The following MLIP variants were observed in gnomAD, a reference collection of about 807,000 sequenced individuals.
MLIP encodes the protein muscular LMNA interacting protein, also known as muscular LMNA-interacting protein.
Under a neutral mutation model 84.8 loss-of-function variants are expected in MLIP, and 79 were observed. That is an observed-to-expected ratio of 0.93 (90% CI 0.78 to 1.12). The LOEUF is 1.12. MLIP is among the 50% of genes most tolerant of loss of function. The pLI is 0.00. For missense variants in MLIP, 1,257 were observed against 1,160.6 expected, an observed-to-expected ratio of 1.08 and a Z score of -1.21; for synonymous variants, 504 against 463.0, an observed-to-expected ratio of 1.09 and a Z score of -1.14.
intron 1 of MLIP, among the ~76,000 whole-genome samples, chr6:54,060,985 CT>C (rs78569538): frequency 0.019 from 2,477 of 127,914 alleles, 53 homozygotes; most frequent in African/African-American, 0.054. Flanking sequence ...TTTACTGTTT[CT>C]TTTTTTTTTT....
At chr6:54,247,370 A>C (rs1301205940) in intron 12 of MLIP, among the ~76,000 whole-genome samples, 3 of 152,184 alleles carry the variant, frequency 2.0e-5, no homozygotes, top group Admixed American at 1.3e-4. Context: ...GGTTCTAGCA[A>C]GAACATAGCT....
chr6:54,224,712 G>A (rs1429586115), intron 11 of MLIP, among the ~76,000 whole-genome samples: 3 of 151,980 alleles, frequency 2.0e-5, no homozygotes, highest in East Asian at 1.9e-4. Context: ...ACCATTATAT[G>A]TTGTCTTTTA....
At chr6:54,098,332 T>TTC (rs1554148062) in intron 1 of MLIP, among the ~76,000 whole-genome samples, 1 of 143,240 alleles carries the variant, frequency 7.0e-6, no homozygotes. Context: ...TTTAATTTCT[T>TTC]TTTTTTTTTT....
At chr6:54,210,885 C>A (rs1358731980) in intron 11 of MLIP, among the ~76,000 whole-genome samples, 2 of 152,126 alleles carry the variant, frequency 1.3e-5, no homozygotes, top group East Asian at 3.9e-4. Flanking sequence ...TAAAAAACTA[C>A]CTTTGTTAAG....
chr6:54,053,685 AGTT>A (rs1765495448), intron 1 of MLIP, among the ~76,000 whole-genome samples: 1 of 152,212 alleles, frequency 6.6e-6, no homozygotes, highest in Non-Finnish European at 1.5e-5. Flanking sequence ...TACCTTGTAG[AGTT>A]GTTGTGCAAA....
intron 1 of MLIP, among the ~76,000 whole-genome samples, chr6:54,044,636 GT>G (rs11432361): frequency 0.05 from 7,311 of 145,764 alleles, 500 homozygotes; most frequent in African/African-American, 0.16. Context: ...CGTGGTAGAC[GT>G]TTTTTTTTTT....
At chr6:54,210,137 T>TCACCG (rs368113481) in intron 11 of MLIP, among the ~76,000 whole-genome samples, 17,108 of 141,670 alleles carry the variant, frequency 0.12, 29 homozygotes, top group African/African-American at 0.23. Context: ...CCACCTCACC[T>TCACCG]CACCGCACCG....
At chr6:54,255,991 TCAGGAGACTCTGATGAA>T (rs1276600814) in intron 12 of MLIP, among the ~76,000 whole-genome samples, 1 of 152,102 alleles carries the variant, frequency 6.6e-6, no homozygotes, top group Non-Finnish European at 1.5e-5. Context: ...ACTTAGGATC[TCAGGAGACTCTGATGAA>T]CAGGAGAAAG....
At chr6:54,142,915 C>CAA (rs1238427391) in intron 4 of MLIP, among the ~76,000 whole-genome samples, 1 of 150,596 alleles carries the variant, frequency 6.6e-6, no homozygotes, top group African/African-American at 2.5e-5. Flanking sequence ...AAAACAACAA[C>CAA]AACAAAAAAA....
rs1239013563 is a variant in MLIP at position 54,137,841 on chromosome 6, T to G, written c.1772T>G (p.Leu591Ter). 1.8e-5 allele frequency: 28 copies of G among 1,536,094 alleles called. No individual in the cohort carries two copies. Among genetic ancestry groups the G allele is most frequent in the Non-Finnish European group, 2.4e-5 (28 of 1,146,902 alleles). The stretch of plus-strand genomic sequence containing the variant: ...CCTTCTACATTAGCCTCCTCTGCAT[T>G]ATCTTCTCTATCTCCTCCTATTAAT... ...TYPSTLASSA[L>*]SSLSPPINQR... is the part of the protein sequence containing the mutation. The change falls in exon 4 of 14, where the codon TTA becomes TGA. Residue 591 changes from leucine (L) to a stop codon, truncating the protein, a stop_gained. Coordinates refer to ENST00000502396, the MANE Select transcript of MLIP (RefSeq NM_001281747.2). LOFTEE classifies it high-confidence loss of function.
chr6:54,250,888 C>A (rs1782429242), intron 12 of MLIP, among the ~76,000 whole-genome samples: 1 of 151,970 alleles, frequency 6.6e-6, no homozygotes, highest in Admixed American at 6.6e-5. Flanking sequence ...CTATTATGAA[C>A]CCTGATAAGA....
At chr6:54,151,224 T>C (rs938317142) in intron 5 of MLIP, among the ~76,000 whole-genome samples, 5 of 152,130 alleles carry the variant, frequency 3.3e-5, no homozygotes, top group African/African-American at 7.2e-5. Flanking sequence ...TCCCATGTTA[T>C]GTGTTCCTCA....
chr6:54,197,443 T>C (rs976513992), intron 10 of MLIP, among the ~76,000 whole-genome samples: 1 of 152,104 alleles, frequency 6.6e-6, no homozygotes, highest in Non-Finnish European at 1.5e-5. Context: ...CCAGTGAACA[T>C]CTGGTAGAGG....
rs759569255 is a variant in MLIP, at chr6:54,265,986, C to T, written c.*31C>T. 1 of 1,609,960 alleles carries T rather than the reference C, an allele frequency of 6.2e-7. No individual in the cohort carries two copies. Among genetic ancestry groups the T allele is most frequent in the East Asian group, 2.2e-5 (1 of 44,710 alleles). ...GAGCAGAGGCTGAAAACACAGGCTG[C>T]TGAAGTTTTTTGGAATGCTGGTGCT... On this transcript the variant is annotated 3_prime_UTR_variant, in exon 14 of 14. Coordinates refer to ENST00000502396, the MANE Select transcript of MLIP (RefSeq NM_001281747.2).
intron 1 of MLIP, among the ~76,000 whole-genome samples, chr6:54,038,879 G>C (rs867782188): frequency 5.9e-5 from 9 of 151,896 alleles, no homozygotes; most frequent in South Asian, 2.1e-4. Flanking sequence ...TTTATCACAT[G>C]TGTAAGTAAC....
intron 11 of MLIP, among the ~76,000 whole-genome samples, chr6:54,212,455 T>C (rs991467490): frequency 2.6e-5 from 4 of 152,134 alleles, no homozygotes; most frequent in Admixed American, 6.5e-5. Context: ...TTTGGAGAGA[T>C]GGAAAGTCTT....
chr6:54,173,778 G>C (rs927405849), intron 9 of MLIP, among the ~76,000 whole-genome samples: 8 of 151,510 alleles, frequency 5.3e-5, no homozygotes, highest in Non-Finnish European at 8.8e-5. Flanking sequence ...AATTATTATT[G>C]ACTATAGTCA....
chr6:54,137,795 C>T lies in MLIP; in HGVS notation c.1726C>T (p.Pro576Ser), dbSNP rs1231818261. 6.5e-7 allele frequency: 1 copy of T among 1,535,914 alleles called. No homozygotes were observed. Among genetic ancestry groups the T allele is most frequent in the Non-Finnish European group, 8.7e-7 (1 of 1,146,894 alleles). Residue 576 changes from proline to serine, a missense_variant, in exon 4 of 14, where the codon CCC becomes TCC. Pro to Ser is a moderately conservative substitution (Grantham distance 74). Transcript: ENST00000502396. ...TGGTGACCTCAGGGGTCCAGAAAAC[C>T]CCAGAAACATTCACACGTACCCTTC... ...QDGDLRGPEN[P>S]RNIHTYPSTL...
In MLIP at chr6:54,160,670, A is replaced by G; in HGVS notation, c.2440-70A>G. ...TCTCTTCATTTTCCTCTACTTTAGT[A>G]TGATGCCTCACAGGCTTGTCCTTTT... On this transcript the variant is annotated intron_variant, in intron 7 of 13. Transcript: ENST00000502396. 3 of 1,495,190 alleles carry G rather than the reference A, an allele frequency of 2.0e-6. No individual in the cohort carries two copies. The South Asian group carries it at 3.4e-5, about 17-fold the overall frequency. 92.6% of individuals were successfully genotyped at this position (1,495,190 alleles called of 1,614,324 possible).
Sources: allele counts gnomAD v4.1 joint callset (sites outside exome capture counted in the v4.1 genomes callset), GRCh38; gene constraint gnomAD v4.1.1; transcripts MANE v1.5; gene names NCBI Gene and HGNC (gene_info 2026-07-23, HGNC 2026-07-21).